Variants in C4orf51 observed in about 807,000 individuals in gnomAD.
The protein encoded by C4orf51 is chromosome 4 open reading frame 51.
Under a neutral mutation model 25.2 loss-of-function variants are expected in C4orf51, and 25 were observed. The observed-to-expected ratio is 0.99, with a 90% CI of 0.72 to 1.39. C4orf51 has a LOEUF of 1.39. Ranked by LOEUF, C4orf51 falls within the 40% of genes most tolerant of loss-of-function variation. The probability of loss-of-function intolerance (pLI) is 0.00; values close to 1 mark genes in which losing one functional copy is unlikely to be tolerated. For missense variants in C4orf51, 252 were observed against 239.6 expected, an observed-to-expected ratio of 1.05 and a Z score of -0.34; for synonymous variants, 100 against 84.5, an observed-to-expected ratio of 1.18 and a Z score of -1.01.
intron 2 of C4orf51, among the ~76,000 whole-genome samples, chr4:145,724,508 T>G (rs1469700228): frequency 6.6e-6 from 1 of 152,174 alleles, no homozygotes; most frequent in Non-Finnish European, 1.5e-5. Flanking sequence ...TCCCATCATA[T>G]TACATCAAGC....
chr4:145,682,352 T>C (rs1398297347), intron 1 of C4orf51, among the ~76,000 whole-genome samples: 1 of 152,258 alleles, frequency 6.6e-6, no homozygotes, highest in East Asian at 1.9e-4. Flanking sequence ...ATTTGCTTTG[T>C]TTTTAATCTT....
At chr4:145,681,865 C>A (rs1381469704) in intron 1 of C4orf51, among the ~76,000 whole-genome samples, 2 of 152,136 alleles carry the variant, frequency 1.3e-5, no homozygotes, top group Non-Finnish European at 2.9e-5. Context: ...TAGTCCTTAC[C>A]TCCCAAAACT....
Position 145,732,590 on chromosome 4 carries a change from C to A in C4orf51, c.*30C>A, listed in dbSNP as rs200732571. 2 of 1,509,328 alleles carry A rather than the reference C, an allele frequency of 1.3e-6. No homozygotes were observed. Among genetic ancestry groups the A allele is most frequent in the Non-Finnish European group, 1.8e-6 (2 of 1,093,628 alleles). The allele number at this position is 1,509,328 out of a possible 1,614,324, so 93.5% of individuals were successfully genotyped here. ...GAAAATGAAGCCACAAGGCTGGAGG[C>A]GTGGAGTTTGCTTAATAAACAACTT... On this transcript the variant is annotated 3_prime_UTR_variant, in exon 6 of 6. Coordinates refer to ENST00000438731, the MANE Select transcript of C4orf51 (RefSeq NM_001080531.3).
Position 145,750,975 on chromosome 4 carries a change from A to T in C4orf51, n.168-3232A>T, listed in dbSNP as rs140164809. 9.2e-3 allele frequency among the ~76,000 whole-genome samples: 1,404 copies of T among 152,228 alleles called. 24 individuals are homozygous for T. Among genetic ancestry groups the T allele is most frequent in the African/African-American group, 0.032 (1,341 of 41,538 alleles). The stretch of plus-strand genomic sequence containing the variant: ...TATGTCAATCACATTTTTCAGCTCC[A>T]GAATTTCTGCTTGATTCTTTTTATT... On this transcript the variant is annotated intron_variant and non_coding_transcript_variant, in intron 1 of 1. Transcript: ENST00000508981.
chr4:145,786,741 G>A, the C4orf51 span, among the ~76,000 whole-genome samples: 1 of 152,202 alleles, frequency 6.6e-6, no homozygotes, highest in Non-Finnish European at 1.5e-5. Context: ...GTGAAGCTAA[G>A]AGTCAGCTGT....
chr4:145,765,452 A>C lies in C4orf51; in HGVS notation n.167-5536A>C, dbSNP rs1735144307. 4 of 1,411,508 alleles carry C rather than the reference A, an allele frequency of 2.8e-6. No homozygotes were observed. Among genetic ancestry groups the C allele is most frequent in the Admixed American group, 2.4e-5 (1 of 41,150 alleles). The allele number at this position is 1,411,508 out of a possible 1,614,324, so 87.4% of individuals were successfully genotyped here. ...CATACTGCATCCTGGGCCTATTATC[A>C]GTTTTTGACATCGCTCCTGTGCAGG... On this transcript the variant is annotated intron_variant and non_coding_transcript_variant, in intron 1 of 1. Coordinates refer to the C4orf51 transcript ENST00000510096. The surrounding 1 kb of genome is among the most constrained non-coding windows in gnomAD (Gnocchi z 4.7).
At chr4:145,792,377 A>C in the C4orf51 span, among the ~76,000 whole-genome samples, 5 of 140,900 alleles carry the variant, frequency 3.5e-5, no homozygotes, top group Admixed American at 6.9e-5. Context: ...TGTCATAAGA[A>C]AAAAAAAAAG....
At chr4:145,748,043 G>A (rs974214715) in intron 1 of C4orf51, among the ~76,000 whole-genome samples, 7 of 151,808 alleles carry the variant, frequency 4.6e-5, no homozygotes, top group African/African-American at 1.2e-4. Context: ...CTTTGATCTC[G>A]TTACATGTTA....
At chr4:145,734,164 C>CCATT (rs1462480852), downstream of C4orf51, among the ~76,000 whole-genome samples, 1 of 152,190 alleles carries the variant, frequency 6.6e-6, no homozygotes, top group Non-Finnish European at 1.5e-5. Flanking sequence ...TGTCTGTCCA[C>CCATT]CATTCCTTAA....
At chr4:145,758,367 C>T (rs1579050418), downstream of C4orf51, 1 of 152,206 alleles carries the variant, frequency 6.6e-6, no homozygotes. Flanking sequence ...TCCTATTGCA[C>T]AAGTGGCATG....
At chr4:145,749,856 G>A (rs948097869) in intron 1 of C4orf51, among the ~76,000 whole-genome samples, 2 of 151,898 alleles carry the variant, frequency 1.3e-5, no homozygotes, top group Non-Finnish European at 2.9e-5. Context: ...GGATGGTCTC[G>A]ATCTCCTGAC....
rs1186440544 is a variant in C4orf51 at position 145,751,923 on chromosome 4, C to T, written n.168-2284C>T. On this transcript the variant is annotated intron_variant and non_coding_transcript_variant, in intron 1 of 1. Transcript: ENST00000508981. ...GTGCCTCTCTCCATAGCCACCACTA[C>T]CATCACGTGCCCACAATATGGTGGG... Among the ~76,000 whole-genome samples, 5 of 152,326 alleles carry T rather than the reference C, an allele frequency of 3.3e-5. No homozygotes were observed. In the East Asian group the frequency reaches 9.7e-4, roughly 29 times the overall value.
rs1042889411 is a variant in C4orf51, at chr4:145,762,630, C to T, written n.167-8358C>T. On this transcript the variant is annotated intron_variant and non_coding_transcript_variant, in intron 1 of 1. Transcript: ENST00000510096. This position sits in a 1 kb window ranked among gnomAD's most constrained non-coding sequence, Gnocchi z 4.9. ...GTCAGGCTGGAGCTGGACACCCTAGCCTGGGCCTCTCTGTGGCTCGGTTTC... is the reference window on the plus strand; with the variant it reads ...GTCAGGCTGGAGCTGGACACCCTAGTCTGGGCCTCTCTGTGGCTCGGTTTC... Among the ~76,000 whole-genome samples, 4 of 152,118 alleles carry T rather than the reference C, an allele frequency of 2.6e-5. No individual in the cohort carries two copies. The highest frequency in any genetic ancestry group is 9.7e-5 in the African/African-American group (4 of 41,432).
chr4:145,740,225 A>C (rs1733018510), intron 1 of C4orf51, among the ~76,000 whole-genome samples: 1 of 130,032 alleles, frequency 7.7e-6, no homozygotes, highest in Non-Finnish European at 1.5e-5. Context: ...AATTATAGCT[A>C]TCTCTCCCTT....
At chr4:145,787,048 T>C in the C4orf51 span, among the ~76,000 whole-genome samples, 1 of 152,206 alleles carries the variant, frequency 6.6e-6, no homozygotes, top group African/African-American at 2.4e-5. Flanking sequence ...AGGCTCCCTA[T>C]GACCACCTCT....
downstream of C4orf51, chr4:145,757,578 C>T (rs1178034325): frequency 6.6e-6 from 1 of 150,518 alleles, no homozygotes. Context: ...AACCCTGAGA[C>T]CAACAAGCAG....
Position 145,708,635 on chromosome 4 carries a change from C to T in C4orf51, c.307+12003C>T, listed in dbSNP as rs1451571010. Among the ~76,000 whole-genome samples the T allele has an allele frequency of 2.6e-5, 4 of 152,184 alleles. No homozygotes were observed. In the East Asian group the frequency reaches 5.8e-4, roughly 22 times the overall value. ...AGATACTGGAGTGAACAGTGGGCTC[C>T]TTGTTTATCCTTGGGGTTCCAGAAT... On this transcript the variant is annotated intron_variant, in intron 2 of 5. Transcript: ENST00000438731.
At chr4:145,760,875 G>A in intron 1 of C4orf51, 1 of 1,226,942 alleles carries the variant, frequency 8.2e-7, no homozygotes, top group Non-Finnish European at 1.0e-6. Flanking sequence ...GTCGGGGAGG[G>A]TGGAATGTGA....
intron 2 of C4orf51, among the ~76,000 whole-genome samples, chr4:145,721,726 G>A (rs1051892038): frequency 6.6e-5 from 10 of 152,196 alleles, no homozygotes; most frequent in Admixed American, 2.0e-4. Context: ...GTTACTGTGT[G>A]CACTTTACTG....
Sources: allele counts gnomAD v4.1 joint callset (sites outside exome capture counted in the v4.1 genomes callset), GRCh38; gene constraint gnomAD v4.1.1; non-coding constraint Gnocchi (gnomAD v3.1); transcripts MANE v1.5; gene names NCBI Gene and HGNC (gene_info 2026-07-23, HGNC 2026-07-21).